ALG9: variants seen among roughly 807,000 people sequenced by gnomAD.
ALG9 encodes ALG9 alpha-1,2-mannosyltransferase.
Under a neutral mutation model 81.8 loss-of-function variants are expected in ALG9, and 55 were observed. That is an observed-to-expected ratio of 0.67 (90% CI 0.54 to 0.84). The LOEUF (loss-of-function observed/expected upper bound fraction) is 0.84, where lower values mean the gene tolerates loss of function less well. ALG9 is among the 40% of genes least tolerant of loss of function. The probability of loss-of-function intolerance (pLI) is 0.00; values close to 1 mark genes in which losing one functional copy is unlikely to be tolerated. For synonymous variants in ALG9, 278 were observed against 274.3 expected, an observed-to-expected ratio of 1.01 and a Z score of -0.13; for missense variants, 629 against 745.0, an observed-to-expected ratio of 0.84 and a Z score of 1.81.
At chr11:111,790,926 T>A (rs542905393) in intron 14 of ALG9, among the ~76,000 whole-genome samples, 1 of 152,302 alleles carries the variant, frequency 6.6e-6, no homozygotes, top group Non-Finnish European at 1.5e-5. Context: ...AATTATGCAG[T>A]CTCTATGATA....
At chr11:111,848,593 A>AT (rs1555133345) in intron 8 of ALG9, among the ~76,000 whole-genome samples, 2 of 150,052 alleles carry the variant, frequency 1.3e-5, no homozygotes, top group African/African-American at 4.9e-5. Context: ...TCCATCTCAA[A>AT]AAAAAAAAAA....
intron 9 of ALG9, among the ~76,000 whole-genome samples, chr11:111,842,575 C>T (rs1434828501): frequency 2.0e-5 from 3 of 151,902 alleles, no homozygotes; most frequent in Non-Finnish European, 4.4e-5. Flanking sequence ...GTGTGCATCG[C>T]CATGCCCGGT....
At chr11:111,839,138 A>G (rs1343068060) in intron 10 of ALG9, among the ~76,000 whole-genome samples, 1 of 152,210 alleles carries the variant, frequency 6.6e-6, no homozygotes, top group Non-Finnish European at 1.5e-5. Flanking sequence ...AGCAACCTAA[A>G]TTCTACCATG....
At chr11:111,862,348 C>T (rs966748954) in intron 4 of ALG9, among the ~76,000 whole-genome samples, 2 of 151,602 alleles carry the variant, frequency 1.3e-5, no homozygotes, top group Non-Finnish European at 2.9e-5. Context: ...ATTCTCGTGC[C>T]TCTACCACCC....
chr11:111,824,423 T>C (rs551271841), intron 13 of ALG9, among the ~76,000 whole-genome samples: 3 of 152,310 alleles, frequency 2.0e-5, no homozygotes, highest in Non-Finnish European at 4.4e-5. Context: ...ATATTGTTAT[T>C]ACAGTTTAAA....
chr11:111,857,521 G>T, intron 6 of ALG9, 81 bp downstream of exon 6: 1 of 1,582,252 alleles, frequency 6.3e-7, no homozygotes, highest in Non-Finnish European at 8.7e-7. Context: ...CAGATTCTAT[G>T]CAGACAATAT....
chr11:111,828,471 G>A (rs563290222), intron 13 of ALG9, among the ~76,000 whole-genome samples: 1 of 152,324 alleles, frequency 6.6e-6, no homozygotes, highest in South Asian at 2.1e-4. Flanking sequence ...CTAACAAAAA[G>A]CGTTCCTTGG....
At chr11:111,836,343 C>T in intron 12 of ALG9, 49 bp from the exon 13 acceptor site, 1 of 1,608,320 alleles carries the variant, frequency 6.2e-7, no homozygotes, top group South Asian at 1.1e-5. Flanking sequence ...GATAATATTG[C>T]TAAATGTACT....
chr11:111,776,023 G>A, the ALG9 span, among the ~76,000 whole-genome samples: 1 of 152,076 alleles, frequency 6.6e-6, no homozygotes, highest in Admixed American at 6.6e-5. Context: ...ACTTCATAAG[G>A]TTGTTGTGAC....
intron 4 of ALG9, among the ~76,000 whole-genome samples, chr11:111,863,122 A>G (rs1410572113): frequency 6.6e-6 from 1 of 152,186 alleles, no homozygotes; most frequent in Non-Finnish European, 1.5e-5. Flanking sequence ...CTGTAATCCC[A>G]GCACTTTGGG....
At chr11:111,808,047 T>A (rs688095) in intron 14 of ALG9, among the ~76,000 whole-genome samples, 3 of 152,044 alleles carry the variant, frequency 2.0e-5, no homozygotes, top group African/African-American at 7.2e-5. Context: ...TCCAGCGTCG[T>A]GACAGAGTGA....
intron 13 of ALG9, among the ~76,000 whole-genome samples, chr11:111,821,591 C>T (rs1365212579): frequency 6.6e-5 from 10 of 151,780 alleles, no homozygotes; most frequent in Non-Finnish European, 1.3e-4. Context: ...AATGAGATGA[C>T]GAGGCATTTG....
intron 13 of ALG9, among the ~76,000 whole-genome samples, chr11:111,832,095 T>C (rs1954469783): frequency 1.3e-5 from 2 of 152,218 alleles, no homozygotes; most frequent in South Asian, 4.1e-4. Flanking sequence ...TCACCTTTGC[T>C]ATTATAACTT....
intron 13 of ALG9, among the ~76,000 whole-genome samples, chr11:111,829,720 TCA>T (rs1431439866): frequency 2.6e-5 from 4 of 152,200 alleles, no homozygotes; most frequent in Non-Finnish European, 5.9e-5. Context: ...ATAAATATTG[TCA>T]CAGCTTTTCC....
intron 13 of ALG9, among the ~76,000 whole-genome samples, chr11:111,826,991 T>TGATTAAATA (rs1953429899): frequency 1.3e-5 from 2 of 152,232 alleles, no homozygotes; most frequent in Non-Finnish European, 2.9e-5. Flanking sequence ...TTTTAATTTC[T>TGATTAAATA]AGCAGCTCTT....
Position 111,784,254 on chromosome 11 carries a change from GTACTGTCTA to G in ALG9, c.*2134_*2142del, listed in dbSNP as rs1479446221. The G allele has an allele frequency of 2.0e-5, 3 of 152,186 alleles. No homozygotes were observed. Among genetic ancestry groups the G allele is most frequent in the Non-Finnish European group, 4.4e-5 (3 of 68,050 alleles). 9.4% of individuals were successfully genotyped at this position (152,186 alleles called of 1,614,324 possible). On this transcript the variant is annotated 3_prime_UTR_variant, in exon 15 of 15. Coordinates refer to ENST00000616540, the MANE Select transcript of ALG9 (RefSeq NM_024740.2). ...TCACACACTCCCCAGTTATTGTTCT[GTACTGTCTA>G]GACCTATTACCTCTCCAGCGCTTCA...
chr11:111,857,741 C>T lies in ALG9; in HGVS notation c.566-4G>A, dbSNP rs1555144520. ...CAGAAGCTACTAGGAAGGAATGCTG[C>T]AAGAGTAAAGAAGTGAAAAAAGGCA... On this transcript the variant is annotated splice_polypyrimidine_tract_variant and splice_region_variant and intron_variant, in intron 5 of 14. Transcript: ENST00000616540. The T allele has an allele frequency of 2.5e-6, 4 of 1,613,716 alleles. No individual in the cohort carries two copies. Among genetic ancestry groups the T allele is most frequent in the Admixed American group, 1.7e-5 (1 of 59,980 alleles).
chr11:111,835,148 G>C (rs1555116327), intron 13 of ALG9, among the ~76,000 whole-genome samples: 1 of 152,210 alleles, frequency 6.6e-6, no homozygotes, highest in Non-Finnish European at 1.5e-5. Context: ...TATGACATAA[G>C]AAAATGTAAA....
chr11:111,834,043 T>C (rs561971691), intron 13 of ALG9, among the ~76,000 whole-genome samples: 13 of 152,350 alleles, frequency 8.5e-5, no homozygotes, highest in Admixed American at 3.3e-4. Context: ...CTAGACACTA[T>C]GGTGAACACA....
Sources: gnomAD v4.1 joint callset for allele counts (sites outside exome capture counted in the v4.1 genomes callset) on GRCh38, gnomAD v4.1.1 for gene constraint, MANE v1.5 for transcripts, NCBI Gene and HGNC (gene_info 2026-07-23, HGNC 2026-07-21) for gene names.